The following NPAS3 variants were observed in gnomAD, a reference collection of about 807,000 sequenced individuals.
The protein encoded by NPAS3 is neuronal PAS domain-containing protein 3.
In NPAS3, 14 loss-of-function variants were observed where a neutral mutation model predicts 73.1. That is an observed-to-expected ratio of 0.19 (90% CI 0.13 to 0.30). NPAS3 has a LOEUF of 0.30. Among genes scored for constraint, NPAS3 ranks in the 10% least tolerant of loss-of-function variants. The pLI is 1.00. For missense variants in NPAS3, 1,096 were observed against 1,250.0 expected (o/e 0.88, Z 1.86); for synonymous variants, 620 against 541.5 (o/e 1.14, Z -2.01).
chr14:32,947,739 A>G (rs1397459687), intron 1 of NPAS3, among the ~76,000 whole-genome samples: 1 of 152,184 alleles, frequency 6.6e-6, no homozygotes, highest in Admixed American at 6.6e-5. Flanking sequence ...ATTTAAATGT[A>G]TGCAGTGGAT....
At chr14:33,083,202 AAAAAAAAAAAAAG>A (rs2041917558) in intron 2 of NPAS3, among the ~76,000 whole-genome samples, 30 of 62,344 alleles carry the variant, frequency 4.8e-4, no homozygotes, top group Non-Finnish European at 6.1e-4. Context: ...AAAAAAAAAA[AAAAAAAAAAAAAG>A]AAGGGACTTT....
At chr14:33,629,133 G>T (rs569561548) in intron 5 of NPAS3, among the ~76,000 whole-genome samples, 1 of 152,082 alleles carries the variant, frequency 6.6e-6, no homozygotes, top group East Asian at 1.9e-4. Context: ...CACTCTGGAG[G>T]CTGAGGCAGG....
At chr14:33,288,266 T>A (rs2041958457) in intron 3 of NPAS3, among the ~76,000 whole-genome samples, 1 of 152,194 alleles carries the variant, frequency 6.6e-6, no homozygotes, top group Middle Eastern at 3.2e-3. Flanking sequence ...TCATCTGCTT[T>A]GGCCCTTGTG....
chr14:33,025,824 A>G (rs2138302138), intron 1 of NPAS3, among the ~76,000 whole-genome samples: 1 of 152,280 alleles, frequency 6.6e-6, no homozygotes, highest in East Asian at 1.9e-4. Context: ...CCTCCCCAGA[A>G]GCAGAAGTCT....
chr14:33,089,686 C>A lies in NPAS3; in HGVS notation c.140+33692C>A, dbSNP rs1213958914. ...CTCCTCGAGAAGAGCAACTCCAAGACACATAATTGTCAGATTCACCAAAGT... is the reference window on the plus strand; with the variant it reads ...CTCCTCGAGAAGAGCAACTCCAAGAAACATAATTGTCAGATTCACCAAAGT... On this transcript the variant is annotated intron_variant, in intron 2 of 11. Transcript: ENST00000356141. 2.0e-5 allele frequency among the ~76,000 whole-genome samples: 3 copies of A among 152,046 alleles called. No homozygotes were observed. The East Asian group carries it at 5.8e-4, about 29-fold the overall frequency.
At chr14:33,748,955 G>C (rs2061882073) in intron 7 of NPAS3, among the ~76,000 whole-genome samples, 1 of 152,138 alleles carries the variant, frequency 6.6e-6, no homozygotes, top group African/African-American at 2.4e-5. Flanking sequence ...TCGTGGTCAA[G>C]GCTAGTTTGA....
chr14:33,345,553 T>G (rs987088278), intron 3 of NPAS3, among the ~76,000 whole-genome samples: 4 of 152,226 alleles, frequency 2.6e-5, no homozygotes, highest in Non-Finnish European at 5.9e-5. Context: ...CTTATATGTA[T>G]CTTTTACTTT....
chr14:33,740,915 A>T (rs2061639645), intron 7 of NPAS3, among the ~76,000 whole-genome samples: 1 of 151,492 alleles, frequency 6.6e-6, no homozygotes, highest in African/African-American at 2.4e-5. Context: ...TTCTGGAAAA[A>T]CTCCATGATT....
At chr14:33,231,830 G>C (rs2047863153) in intron 3 of NPAS3, among the ~76,000 whole-genome samples, 2 of 152,200 alleles carry the variant, frequency 1.3e-5, no homozygotes, top group South Asian at 4.1e-4. Flanking sequence ...TTTGTATATT[G>C]ACCAGTTTTT....
intron 1 of NPAS3, among the ~76,000 whole-genome samples, chr14:32,949,030 AT>A (rs1341046293): frequency 1.3e-5 from 2 of 152,046 alleles, no homozygotes; most frequent in African/African-American, 4.8e-5. Flanking sequence ...CTTTGAAAAA[AT>A]TTTATACAGG....
intron 6 of NPAS3, among the ~76,000 whole-genome samples, chr14:33,729,110 A>G (rs988157905): frequency 1.3e-5 from 2 of 152,192 alleles, no homozygotes; most frequent in African/African-American, 4.8e-5. Context: ...CCTTTCTTTC[A>G]ATATCTTTCT....
At chr14:33,769,745 A>ATTTATTTTTTCTTT (rs2062581618) in intron 7 of NPAS3, among the ~76,000 whole-genome samples, 1 of 103,354 alleles carries the variant, frequency 9.7e-6, no homozygotes, top group African/African-American at 3.8e-5. Context: ...AAAGACTTGG[A>ATTTATTTTTTCTTT]TTTTTTTTTT....
chr14:33,568,111 A>T (rs1203661157), intron 5 of NPAS3, among the ~76,000 whole-genome samples: 1 of 152,230 alleles, frequency 6.6e-6, no homozygotes, highest in African/African-American at 2.4e-5. Context: ...AGTTGAAGAG[A>T]TCTAAAGTCA....
At chr14:33,681,013 T>C (rs1393426994) in intron 6 of NPAS3, 1 of 182,480 alleles carries the variant, frequency 5.5e-6, no homozygotes, top group African/African-American at 2.3e-5. Flanking sequence ...AGTACTTGCC[T>C]GAATGCAAAT....
chr14:33,478,346 A>G (rs1333990516), intron 4 of NPAS3, among the ~76,000 whole-genome samples: 1 of 152,160 alleles, frequency 6.6e-6, no homozygotes, highest in Non-Finnish European at 1.5e-5. Context: ...AAAATGCTAC[A>G]ATGCAGAGGT....
At chr14:33,793,201 T>C (rs142777231) in intron 9 of NPAS3, among the ~76,000 whole-genome samples, 1 of 152,330 alleles carries the variant, frequency 6.6e-6, no homozygotes, top group African/African-American at 2.4e-5. Flanking sequence ...TATTTCAGAG[T>C]CTGTGTGGAG....
intron 3 of NPAS3, among the ~76,000 whole-genome samples, chr14:33,291,627 G>T (rs948603724): frequency 2.0e-5 from 3 of 152,150 alleles, no homozygotes; most frequent in Non-Finnish European, 4.4e-5. Context: ...TACAGGATCC[G>T]CTGGCTTTAT....
chr14:33,067,035 G>A (rs930994126), intron 2 of NPAS3, among the ~76,000 whole-genome samples: 3 of 152,228 alleles, frequency 2.0e-5, no homozygotes, highest in Non-Finnish European at 4.4e-5. Context: ...ACTCGAGACA[G>A]TGGAAGCTCA....
chr14:33,589,078 C>T (rs1242654817), intron 5 of NPAS3, among the ~76,000 whole-genome samples: 1 of 152,146 alleles, frequency 6.6e-6, no homozygotes, highest in Admixed American at 6.5e-5. Flanking sequence ...CTACGTTTGT[C>T]CTCATCCCCC....
Sources: gnomAD v4.1 joint callset for allele counts (sites outside exome capture counted in the v4.1 genomes callset) on GRCh38, gnomAD v4.1.1 for gene constraint, MANE v1.5 for transcripts, NCBI Gene and HGNC (gene_info 2026-07-23, HGNC 2026-07-21) for gene names.